The following TAS2R1 variants were observed in gnomAD, a reference collection of about 807,000 sequenced individuals.
TAS2R1 encodes the protein taste receptor type 2 member 1.
For synonymous variants in TAS2R1, 141 were observed against 134.2 expected, an observed-to-expected ratio of 1.05 and a Z score of -0.35; for missense variants, 370 against 353.4, an observed-to-expected ratio of 1.05 and a Z score of -0.38.
At chr5:9,744,244 G>T in the TAS2R1 span, among the ~76,000 whole-genome samples, 1 of 152,122 alleles carries the variant, frequency 6.6e-6, no homozygotes, top group Non-Finnish European at 1.5e-5. Flanking sequence ...AACTCTTTTT[G>T]TTTGTGTATA....
chr5:9,816,317 T>C, the TAS2R1 span, among the ~76,000 whole-genome samples: 1 of 152,162 alleles, frequency 6.6e-6, no homozygotes, highest in East Asian at 1.9e-4. Context: ...AAATAGTATA[T>C]AAGTATATGT....
At chr5:9,772,008 C>A in the TAS2R1 span, among the ~76,000 whole-genome samples, 1 of 151,584 alleles carries the variant, frequency 6.6e-6, no homozygotes, top group East Asian at 1.9e-4. Flanking sequence ...TCATTTATTT[C>A]TGCTCTGATC....
At chr5:9,658,357 G>T (rs1047272198) in intron 2 of TAS2R1, 1 of 152,138 alleles carries the variant, frequency 6.6e-6, no homozygotes, top group East Asian at 1.9e-4. Flanking sequence ...GCAAACGCAC[G>T]CATTATAGCC....
At chr5:9,873,904 CG>C in the TAS2R1 span, among the ~76,000 whole-genome samples, 1 of 98,746 alleles carries the variant, frequency 1.0e-5, no homozygotes, top group Non-Finnish European at 1.9e-5. Flanking sequence ...GGGAAGAGGA[CG>C]GGGAAAAAAA....
chr5:9,721,042 G>A, the TAS2R1 span, among the ~76,000 whole-genome samples: 2 of 152,180 alleles, frequency 1.3e-5, no homozygotes, highest in Admixed American at 6.5e-5. Context: ...ACTGCGAGAC[G>A]CGAGGTTTCC....
At chr5:9,721,944 A>C in the TAS2R1 span, among the ~76,000 whole-genome samples, 1 of 152,216 alleles carries the variant, frequency 6.6e-6, no homozygotes, top group Non-Finnish European at 1.5e-5. Flanking sequence ...GCAGCTTCTA[A>C]CATAGTTCCC....
intron 1 of TAS2R1, among the ~76,000 whole-genome samples, chr5:9,711,221 C>T (rs908383197): frequency 6.6e-6 from 1 of 152,036 alleles, no homozygotes; most frequent in African/African-American, 2.4e-5. Flanking sequence ...CTCCCATGTT[C>T]ACCGCAGCAT....
the TAS2R1 span, among the ~76,000 whole-genome samples, chr5:9,850,111 C>A: frequency 6.6e-6 from 1 of 152,168 alleles, no homozygotes; most frequent in Non-Finnish European, 1.5e-5. Context: ...ACCTTTCCCA[C>A]CCTCAAAGCG....
chr5:9,838,295 C>T, the TAS2R1 span, among the ~76,000 whole-genome samples: 2 of 152,188 alleles, frequency 1.3e-5, no homozygotes, highest in African/African-American at 4.8e-5. Context: ...TCACCCTTCT[C>T]CAGGCATATC....
rs531078793 is a variant in TAS2R1, at chr5:9,710,134, T to C, written c.-242+2038A>G. 9.8e-5 allele frequency among the ~76,000 whole-genome samples: 15 copies of C among 152,402 alleles called. 1 individual carries two copies. Among genetic ancestry groups the C allele is most frequent in the Admixed American group, 8.5e-4 (13 of 15,312 alleles). ...AACACCCAAGGCCTTGGCCAGAGGA[T>C]TGGCTGTCTCCTTTACAAAGAGCAT... On this transcript the variant is annotated intron_variant, in intron 1 of 2. Coordinates refer to the TAS2R1 transcript ENST00000506620.
the TAS2R1 span, among the ~76,000 whole-genome samples, chr5:9,731,870 T>A: frequency 6.6e-6 from 1 of 152,218 alleles, no homozygotes; most frequent in Non-Finnish European, 1.5e-5. Flanking sequence ...TGGTACTTAG[T>A]TTAGTTGTTG....
chr5:9,629,831 T>C lies in TAS2R1; in HGVS notation c.202A>G (p.Ile68Val). ...LQLFIFYVNV[I>V]VIFFIEFIMC... ...ATGAATTCTATGAAGAAGATAACAA[T>C]CACATTAACGTAGAAGATGAACAAC... Residue 68 changes from isoleucine (I) to valine (V), a missense_variant, in exon 1 of 1, where the codon ATT (isoleucine) becomes GTT (valine). Ile to Val is a conservative substitution (Grantham distance 29). Transcript: ENST00000382492. 2 of 1,613,568 alleles carry C rather than the reference T, an allele frequency of 1.2e-6. No individual in the cohort carries two copies. The highest frequency in any genetic ancestry group is 1.1e-5 in the South Asian group (1 of 91,054).
At chr5:9,894,485 T>C in the TAS2R1 span, among the ~76,000 whole-genome samples, 2,556 of 151,682 alleles carry the variant, frequency 0.017, 68 homozygotes, top group African/African-American at 0.056. Flanking sequence ...GGAAATACCG[T>C]GGGAGGACAT....
chr5:9,786,459 G>A, the TAS2R1 span, among the ~76,000 whole-genome samples: 1 of 152,292 alleles, frequency 6.6e-6, no homozygotes, highest in East Asian at 1.9e-4. Flanking sequence ...GAATTTCAAA[G>A]GTGAGTAAGT....
chr5:9,833,572 T>C, the TAS2R1 span, among the ~76,000 whole-genome samples: 3 of 152,132 alleles, frequency 2.0e-5, no homozygotes, highest in Admixed American at 1.3e-4. Flanking sequence ...TGACAACTTA[T>C]GTCAGGTAAA....
the TAS2R1 span, among the ~76,000 whole-genome samples, chr5:9,794,688 A>C: frequency 6.6e-6 from 1 of 152,184 alleles, no homozygotes; most frequent in Admixed American, 6.5e-5. Context: ...TTTTTTCTTA[A>C]GTCTTAACTG....
At chr5:9,685,011 G>A (rs1243850037) in intron 1 of TAS2R1, among the ~76,000 whole-genome samples, 2 of 152,120 alleles carry the variant, frequency 1.3e-5, no homozygotes, top group African/African-American at 2.4e-5. Flanking sequence ...GGTATGCATG[G>A]TTCAGAACAG....
chr5:9,814,510 A>T, the TAS2R1 span, among the ~76,000 whole-genome samples: 1 of 152,160 alleles, frequency 6.6e-6, no homozygotes, highest in South Asian at 2.1e-4. Flanking sequence ...GAAAGTTCAA[A>T]TAGGGAATAC....
At chr5:9,877,936 T>G in the TAS2R1 span, among the ~76,000 whole-genome samples, 13 of 152,308 alleles carry the variant, frequency 8.5e-5, no homozygotes, top group African/African-American at 2.9e-4. Context: ...TTAAAATCAG[T>G]GATCACCTCC....
Sources: gnomAD v4.1 joint callset for allele counts (sites outside exome capture counted in the v4.1 genomes callset) on GRCh38, gnomAD v4.1.1 for gene constraint, MANE v1.5 for transcripts, NCBI Gene and HGNC (gene_info 2026-07-23, HGNC 2026-07-21) for gene names.